The following PPOX variants were observed in gnomAD, a reference collection of about 807,000 sequenced individuals.
PPOX encodes the protein protoporphyrinogen oxidase, also known as variegate porphyria.
PPOX carries 23 observed loss-of-function variants against 54.1 expected under a neutral mutation model. The ratio of observed to expected loss-of-function variants is 0.43; its 90% CI spans 0.31 to 0.60. PPOX has a LOEUF of 0.60. PPOX is among the 20% of genes least tolerant of loss of function. PPOX has a pLI of 0.13. For synonymous variants in PPOX, 224 were observed against 236.1 expected (o/e 0.95, Z 0.47); for missense variants, 512 against 601.1 (o/e 0.85, Z 1.55).
At chr1:161,167,816 G>A in intron 4 of PPOX, 179 bp from the exon 5 acceptor site, 1 of 1,008,250 alleles carries the variant, frequency 9.9e-7, no homozygotes, top group Non-Finnish European at 1.5e-6. Flanking sequence ...GCCCGCCTCG[G>A]CCTGCCAAAG....
At chr1:161,169,617 A>C (rs372393618) in intron 7 of PPOX, 43 bp from the exon 8 acceptor site, 155 of 1,597,480 alleles carry the variant, frequency 9.7e-5, no homozygotes, top group Non-Finnish European at 1.2e-4. Flanking sequence ...TCACTCATCA[A>C]ATTCTCATTT....
rs764831911 is a variant in PPOX at position 161,170,497 on chromosome 1, G to A, written c.1076G>A (p.Ser359Asn). The change falls in exon 10 of 13, where the codon AGC becomes AAC. Residue 359 changes from serine to asparagine, a missense_variant. Coordinates refer to ENST00000367999, the MANE Select transcript of PPOX (RefSeq NM_001122764.3). Reference protein sequence around the residue: ...DSVAFPEQDGSPPGLRVTVML... With the variant: ...DSVAFPEQDGNPPGLRVTVML... Reference sequence around the variant, plus strand: ...GTTGCTTTCCCTGAGCAGGACGGGAGCCCCCCTGGCCTCAGAGTGACTGTG... The same window carrying A: ...GTTGCTTTCCCTGAGCAGGACGGGAACCCCCCTGGCCTCAGAGTGACTGTG... 3 of 1,614,218 alleles carry A rather than the reference G, an allele frequency of 1.9e-6. No individual in the cohort carries two copies. Among genetic ancestry groups the A allele is most frequent in the Non-Finnish European group, 2.5e-6 (3 of 1,180,040 alleles).
At chr1:161,176,079 G>A, downstream of PPOX, 1 of 1,612,424 alleles carries the variant, frequency 6.2e-7, no homozygotes, top group African/African-American at 1.3e-5. Flanking sequence ...TGAGATCTAG[G>A]GAGGGAGAGG....
At chr1:161,171,719 T>G, downstream of PPOX, 1 of 1,498,716 alleles carries the variant, frequency 6.7e-7, no homozygotes, top group Non-Finnish European at 9.1e-7. Context: ...AGAGTTCAGT[T>G]CCCTCACATC....
downstream of PPOX, chr1:161,173,817 A>G (rs974386582): frequency 3.7e-6 from 6 of 1,609,982 alleles, no homozygotes; most frequent in Non-Finnish European, 5.1e-6. Flanking sequence ...TCCACAGGAT[A>G]GTAGGCTTCC....
downstream of PPOX, chr1:161,172,069 G>A: frequency 6.2e-7 from 1 of 1,614,190 alleles, no homozygotes; most frequent in African/African-American, 1.3e-5. Context: ...GGAATTCTGG[G>A]TACGGACCAG....
downstream of PPOX, chr1:161,173,908 G>A: frequency 5.6e-6 from 9 of 1,614,102 alleles, no homozygotes; most frequent in South Asian, 1.1e-5. Context: ...GGTCCCCGGG[G>A]GTCACACACA....
chr1:161,176,125 G>GC, downstream of PPOX: 1 of 1,590,268 alleles, frequency 6.3e-7, no homozygotes, highest in South Asian at 1.1e-5. Context: ...GAGCAAGCCA[G>GC]CAGAGAGGTC....
At chr1:161,168,351 C>T in intron 5 of PPOX, 81 bp from the exon 6 acceptor site, 20 of 1,603,280 alleles carry the variant, frequency 1.2e-5, no homozygotes, top group Non-Finnish European at 1.7e-5. Flanking sequence ...ATCCCACCCT[C>T]ATTCCCTACC....
At chr1:161,169,248 T>C in intron 7 of PPOX, 65 bp downstream of exon 7, 1 of 1,575,530 alleles carries the variant, frequency 6.3e-7, no homozygotes, top group Admixed American at 1.7e-5. Context: ...GTGGCTTAAC[T>C]AGGCCAGGGC....
At chr1:161,174,098 G>A (rs193057965), downstream of PPOX, 8 of 1,580,360 alleles carry the variant, frequency 5.1e-6, no homozygotes, top group East Asian at 1.1e-4. Context: ...GTGGCACGGA[G>A]AAAAGGGGGC....
downstream of PPOX, among the ~76,000 whole-genome samples, chr1:161,174,627 G>A (rs948106708): frequency 3.9e-5 from 6 of 152,090 alleles, no homozygotes; most frequent in Non-Finnish European, 7.4e-5. Flanking sequence ...TGGAACAGAT[G>A]GTATATTAGT....
chr1:161,170,319 T>TGGGGGGGGC, intron 9 of PPOX, 90 bp from the exon 10 acceptor site: 2 of 514,788 alleles, frequency 3.9e-6, no homozygotes, highest in Non-Finnish European at 7.6e-6. Flanking sequence ...AGTGAGACTC[T>TGGGGGGGGC]GTCCCCCCCA....
chr1:161,175,929 C>T (rs144022388), downstream of PPOX: 152 of 1,614,022 alleles, frequency 9.4e-5, no homozygotes, highest in Non-Finnish European at 1.2e-4. Flanking sequence ...AGTCAAATGT[C>T]GGTCCCTGAT....
intron 4 of PPOX, chr1:161,176,708 G>A: frequency 1.5e-6 from 1 of 661,018 alleles, no homozygotes; most frequent in Non-Finnish European, 2.6e-6. Flanking sequence ...GCAGGAGATG[G>A]TAGGTCCCTC....
chr1:161,168,201 C>T, intron 5 of PPOX, 74 bp downstream of exon 5: 1 of 1,608,790 alleles, frequency 6.2e-7, no homozygotes, highest in Non-Finnish European at 8.5e-7. Flanking sequence ...AAATCTACCA[C>T]CTAGGGGCTC....
At chr1:161,172,204 A>G, downstream of PPOX, 1 of 1,613,366 alleles carries the variant, frequency 6.2e-7, no homozygotes. Context: ...AACAATTCCC[A>G]GGCAGTCCTT....
At chr1:161,170,832 T>C (rs1413570042) in intron 11 of PPOX, 63 bp downstream of exon 11, 1 of 1,613,504 alleles carries the variant, frequency 6.2e-7, no homozygotes, top group Admixed American at 1.7e-5. Context: ...GACTGGAACA[T>C]TTGTCACTGT....
intron 9 of PPOX, 89 bp from the exon 10 acceptor site, chr1:161,170,320 G>GGGGGGGGGGGCCC: frequency 6.1e-6 from 3 of 494,786 alleles, no homozygotes; most frequent in Non-Finnish European, 7.9e-6. Context: ...GTGAGACTCT[G>GGGGGGGGGGGCCC]TCCCCCCCAC....
Sources: gnomAD v4.1 joint callset for allele counts (sites outside exome capture counted in the v4.1 genomes callset) on GRCh38, gnomAD v4.1.1 for gene constraint, MANE v1.5 for transcripts, NCBI Gene and HGNC (gene_info 2026-07-23, HGNC 2026-07-21) for gene names.